The following TMEM67 variants were observed in gnomAD, a reference collection of about 807,000 sequenced individuals.
TMEM67 encodes the protein meckelin.
A neutral mutation model predicts 136.6 loss-of-function variants in TMEM67; 124 were observed. That is an observed-to-expected ratio of 0.91 (90% confidence interval 0.78 to 1.05). The LOEUF (loss-of-function observed/expected upper bound fraction) is 1.05, where lower values mean the gene tolerates loss of function less well. Ranked by LOEUF, TMEM67 falls within the 50% of genes least tolerant of loss-of-function variation. TMEM67 has a pLI of 0.00. For synonymous variants in TMEM67, 364 were observed against 390.5 expected (o/e 0.93, Z 0.80); for missense variants, 1,107 against 1,178.4 (o/e 0.94, Z 0.89).
In TMEM67 at chr8:93,816,414, G is replaced by A. The variant is rs201226909; in HGVS notation, c.2950G>A (p.Ala984Thr). ...TAATACAGTAGGACAAAAGAATTTGGCATCCAAAACATTGGTGGATCAAAG... is the reference window on the plus strand; with the variant it reads ...TAATACAGTAGGACAAAAGAATTTGACATCCAAAACATTGGTGGATCAAAG... ...IRNTVGQKNLASKTLVDQRFL... is the reference protein window; with the variant it reads ...IRNTVGQKNLTSKTLVDQRFL... Residue 984 changes from alanine (A) to threonine (T), a missense_variant, in exon 28 of 28, where the codon GCA becomes ACA. Coordinates refer to ENST00000453321, the MANE Select transcript of TMEM67 (RefSeq NM_153704.6). 6.7e-5 allele frequency: 107 copies of A among 1,596,764 alleles called. 1 individual carries two copies. The highest frequency in any genetic ancestry group is 7.8e-5 in the South Asian group (7 of 89,604).
chr8:93,793,367 G>A, intron 16 of TMEM67, 71 bp downstream of exon 16: 3 of 1,275,874 alleles, frequency 2.4e-6, no homozygotes, highest in South Asian at 2.4e-5. Flanking sequence ...ATAAGACACA[G>A]CTAGAGAATA....
chr8:93,784,811 T>C (rs193275255), intron 11 of TMEM67, among the ~76,000 whole-genome samples: 1 of 152,288 alleles, frequency 6.6e-6, no homozygotes, highest in Admixed American at 6.5e-5. Flanking sequence ...CTGGCTTGGT[T>C]AATGGAAGCC....
the TMEM67 span, among the ~76,000 whole-genome samples, chr8:93,826,123 C>CTTTTTTTTTTTTT: frequency 9.5e-5 from 5 of 52,372 alleles, no homozygotes; most frequent in Non-Finnish European, 1.4e-4. Context: ...TTAATCATGT[C>CTTTTTTTTTTTTT]TTTTTTTTTT....
chr8:93,798,189 A>G (rs898621799), intron 20 of TMEM67, among the ~76,000 whole-genome samples: 3 of 152,134 alleles, frequency 2.0e-5, no homozygotes, highest in African/African-American at 7.2e-5. Flanking sequence ...TGACTGCTCT[A>G]GGTGTAAGGA....
chr8:93,788,028 A>G lies in TMEM67; in HGVS notation c.1518+79A>G, dbSNP rs1240930424. 4 of 1,119,324 alleles carry G rather than the reference A, an allele frequency of 3.6e-6. No homozygotes were observed. In the South Asian group the frequency reaches 4.0e-5, roughly 11 times the overall value. 69.3% of individuals were successfully genotyped at this position (1,119,324 alleles called of 1,614,324 possible). The stretch of plus-strand genomic sequence containing the variant: ...ATTCAGTTTACATTTTGGTCAAAAG[A>G]CAGTCTTTTTTTTTTTTTTAAGTTC... On this transcript the variant is annotated intron_variant, in intron 14 of 27. Transcript: ENST00000453321.
intron 12 of TMEM67, chr8:93,785,661 T>C (rs994859449): frequency 1.9e-5 from 6 of 310,928 alleles, no homozygotes; most frequent in East Asian, 6.1e-5. Flanking sequence ...CGTCAAGCTG[T>C]CCCGAATATG....
chr8:93,826,231 G>A, the TMEM67 span, among the ~76,000 whole-genome samples: 3 of 133,506 alleles, frequency 2.2e-5, no homozygotes, highest in African/African-American at 8.3e-5. Context: ...CCAGGTTCAC[G>A]CCATTCTCCT....
intron 11 of TMEM67, among the ~76,000 whole-genome samples, chr8:93,783,967 C>T (rs1240324121): frequency 6.6e-6 from 1 of 152,136 alleles, no homozygotes; most frequent in Non-Finnish European, 1.5e-5. Context: ...CACAGCCAAA[C>T]CATATCAATT....
In TMEM67 at chr8:93,816,390, A is replaced by C; in HGVS notation, c.2926A>C (p.Asn976His). The change falls in exon 28 of 28, where the codon AAT (asparagine) becomes CAT (histidine). Residue 976 changes from asparagine (N) to histidine (H), a missense_variant. Asn to His is a moderately conservative substitution (Grantham distance 68). Coordinates refer to ENST00000453321, the MANE Select transcript of TMEM67 (RefSeq NM_153704.6). ...LQQEIFRYIR[N>H]TVGQKNLASK... ...TTTCCAGATTTTTAGATATATCCGT[A>C]ATACAGTAGGACAAAAGAATTTGGC... 2 of 1,574,098 alleles carry C rather than the reference A, an allele frequency of 1.3e-6. No homozygotes were observed. Among genetic ancestry groups the C allele is most frequent in the Non-Finnish European group, 8.7e-7 (1 of 1,148,194 alleles).
Position 93,792,859 on chromosome 8 carries a change from C to T in TMEM67, c.1576-339C>T, listed in dbSNP as rs1297648370. 8.0e-5 allele frequency among the ~76,000 whole-genome samples: 12 copies of T among 150,828 alleles called. No individual in the cohort carries two copies. The South Asian group carries it at 1.3e-3, about 16-fold the overall frequency. On this transcript the variant is annotated intron_variant, in intron 15 of 27. Transcript: ENST00000453321. The stretch of plus-strand genomic sequence containing the variant: ...GATCTTGGTGGCTCACTGCAAGCTC[C>T]GCTCCCAGGTTCATGCCATTCTCCT...
chr8:93,822,235 G>A (rs1809051676), downstream of TMEM67, among the ~76,000 whole-genome samples: 1 of 152,194 alleles, frequency 6.6e-6, no homozygotes, highest in African/African-American at 2.4e-5. Flanking sequence ...ATAAACACCT[G>A]TGAAAAGTGC....
At chr8:93,826,123 C>CTTTTTTTTTTTT in the TMEM67 span, among the ~76,000 whole-genome samples, 12 of 52,380 alleles carry the variant, frequency 2.3e-4, 1 homozygote, top group Non-Finnish European at 3.8e-4. Context: ...TTAATCATGT[C>CTTTTTTTTTTTT]TTTTTTTTTT....
chr8:93,786,137 A>AG (rs1235974247), intron 12 of TMEM67, 86 bp from the exon 13 acceptor site: 1 of 1,314,252 alleles, frequency 7.6e-7, no homozygotes, highest in African/African-American at 1.5e-5. Flanking sequence ...TTCTTATACT[A>AG]GTAGCTTTTT....
rs575077207 is a variant in TMEM67 at position 93,755,011 on chromosome 8, T to G, written c.97T>G (p.Phe33Val). The G allele has an allele frequency of 6.2e-7, 1 of 1,614,220 alleles. No individual in the cohort carries two copies. Among genetic ancestry groups the G allele is most frequent in the South Asian group, 1.1e-5 (1 of 91,086 alleles). The part of the protein sequence containing the change: ...TAFLLLFLPR[F>V]LQAQTFSFPF... Reference sequence around the variant, plus strand: ...GTTCCTTCTGTTGTTCCTCCCTCGCTTCTTACAGGCCCAGACCTTCTCTTT... The same window carrying G: ...GTTCCTTCTGTTGTTCCTCCCTCGCGTCTTACAGGCCCAGACCTTCTCTTT... Residue 33 changes from phenylalanine to valine, a missense_variant, in exon 1 of 28, where the codon TTC becomes GTC. By Grantham distance (50) the Phe-to-Val change is conservative. Around this residue, in one of 3 missense-constraint regions of TMEM67, gnomAD observed 178 missense variants for 159.2 expected, o/e 1.12. Transcript: ENST00000453321.
intron 2 of TMEM67, 78 bp from the exon 3 acceptor site, chr8:93,758,405 A>G: frequency 1.9e-6 from 2 of 1,070,550 alleles, no homozygotes; most frequent in Non-Finnish European, 2.9e-6. Flanking sequence ...ACATACTCTT[A>G]TGGCATTTTG....
At chr8:93,815,070 C>T (rs532696802) in intron 26 of TMEM67, among the ~76,000 whole-genome samples, 15 of 152,258 alleles carry the variant, frequency 9.9e-5, no homozygotes, top group South Asian at 2.1e-4. Flanking sequence ...AATTACCAAC[C>T]ATTGGTCCTA....
intron 20 of TMEM67, among the ~76,000 whole-genome samples, chr8:93,797,998 A>G (rs1337083315): frequency 6.6e-6 from 1 of 152,140 alleles, no homozygotes; most frequent in Non-Finnish European, 1.5e-5. Flanking sequence ...AAAACAAACA[A>G]ACAAAAAGTA....
chr8:93,760,771 A>G (rs2130558563), intron 3 of TMEM67, among the ~76,000 whole-genome samples: 1 of 152,236 alleles, frequency 6.6e-6, no homozygotes, highest in East Asian at 1.9e-4. Context: ...CAAACTACAA[A>G]CTAAAGAAAA....
At chr8:93,785,131 A>C in intron 11 of TMEM67, 91 bp from the exon 12 acceptor site, 1 of 858,056 alleles carries the variant, frequency 1.2e-6, no homozygotes, top group Non-Finnish European at 1.9e-6. Context: ...ATGCTTGCTA[A>C]TTTTCAATTG....
Sources: gnomAD v4.1 joint callset for allele counts (sites outside exome capture counted in the v4.1 genomes callset) on GRCh38, gnomAD v4.1.1 for gene constraint, gnomAD v4.1.1 regional missense constraint, MANE v1.5 for transcripts, NCBI Gene and HGNC (gene_info 2026-07-23, HGNC 2026-07-21) for gene names.